The following NAV3 variants were observed in gnomAD, a reference collection of about 807,000 sequenced individuals.
NAV3 encodes the protein pore membrane and/or filament interacting like protein 1.
In NAV3, 87 loss-of-function variants were observed where a neutral mutation model predicts 244.7. The observed-to-expected ratio is 0.36, with a 90% CI of 0.30 to 0.42. NAV3 has a LOEUF of 0.42. Among genes scored for constraint, NAV3 ranks in the 20% least tolerant of loss-of-function variants. The pLI is 1.00. For synonymous variants in NAV3, 1,126 were observed against 1,042.2 expected (o/e 1.08, Z -1.55); for missense variants, 2,663 against 2,893.3 (o/e 0.92, Z 1.83).
At chr12:77,972,178 G>A (rs558063837) in intron 5 of NAV3, among the ~76,000 whole-genome samples, 1 of 149,660 alleles carries the variant, frequency 6.7e-6, no homozygotes, top group South Asian at 2.1e-4. Flanking sequence ...CTATATGTGA[G>A]CTTGAGTGTG....
intron 1 of NAV3, among the ~76,000 whole-genome samples, chr12:77,846,959 T>C (rs180926674): frequency 1.3e-5 from 2 of 152,220 alleles, no homozygotes; most frequent in African/African-American, 4.8e-5. Context: ...CTTAGTTCCA[T>C]GAGTTCATCA....
At chr12:78,137,058 G>C (rs1956403347) in intron 18 of NAV3, 119 bp from the exon 19 acceptor site, 3 of 855,718 alleles carry the variant, frequency 3.5e-6, no homozygotes, top group East Asian at 5.7e-5. Flanking sequence ...CCTTAAATAG[G>C]GACTCACTAT....
intron 9 of NAV3, chr12:78,036,571 T>C (rs757123869): frequency 1.9e-5 from 5 of 258,004 alleles, no homozygotes; most frequent in Non-Finnish European, 7.5e-6. Flanking sequence ...GCAAACGTAG[T>C]TGGCTTCCTG....
At chr12:78,137,446 A>C (rs1173599706) in intron 19 of NAV3, 81 bp downstream of exon 19, 3 of 1,350,768 alleles carry the variant, frequency 2.2e-6, no homozygotes, top group Non-Finnish European at 3.0e-6. Context: ...CACATCACAA[A>C]GATTCCTGAA....
At chr12:77,737,724 G>C (rs1261856258) in intron 2 of NAV3, among the ~76,000 whole-genome samples, 1 of 152,150 alleles carries the variant, frequency 6.6e-6, no homozygotes, top group Non-Finnish European at 1.5e-5. Context: ...TTTCTGGTAA[G>C]GTCTCATGGC....
intron 12 of NAV3, among the ~76,000 whole-genome samples, chr12:78,076,635 T>G (rs1257295061): frequency 6.6e-6 from 1 of 152,186 alleles, no homozygotes; most frequent in Non-Finnish European, 1.5e-5. Context: ...TAGTACTCAA[T>G]AAACGTTTAT....
chr12:77,720,104 C>A lies in NAV3; in HGVS notation c.72+147838C>A, dbSNP rs74571368. On this transcript the variant is annotated intron_variant, in intron 2 of 8. Transcript: ENST00000550042. Reference sequence around the variant, plus strand: ...ATTGGCACATAGTTGTTCATAAGAGCCTCTTGTTATCTTTTGTATTTCTGG... The same window carrying A: ...ATTGGCACATAGTTGTTCATAAGAGACTCTTGTTATCTTTTGTATTTCTGG... Among the ~76,000 whole-genome samples, 155 of 152,070 alleles carry A rather than the reference C, an allele frequency of 1.0e-3. 2 individuals carry two copies. The East Asian group carries it at 0.023, about 23-fold the overall frequency.
At chr12:78,156,603 G>A (rs1957314322) in intron 22 of NAV3, among the ~76,000 whole-genome samples, 2 of 152,042 alleles carry the variant, frequency 1.3e-5, no homozygotes, top group Non-Finnish European at 2.9e-5. Context: ...ATTCATAGTA[G>A]AATGATTAAA....
chr12:77,663,273 A>T (rs1873549617), intron 2 of NAV3, among the ~76,000 whole-genome samples: 1 of 152,200 alleles, frequency 6.6e-6, no homozygotes, highest in African/African-American at 2.4e-5. Flanking sequence ...ATAAACATAC[A>T]TCATATTCTG....
At chr12:78,147,202 CT>C (rs1956897066) in intron 21 of NAV3, among the ~76,000 whole-genome samples, 2 of 152,010 alleles carry the variant, frequency 1.3e-5, no homozygotes, top group Non-Finnish European at 2.9e-5. Flanking sequence ...ACCAATTTGT[CT>C]TTATAATCTC....
At chr12:77,679,485 C>T (rs1874352397) in intron 2 of NAV3, among the ~76,000 whole-genome samples, 1 of 151,872 alleles carries the variant, frequency 6.6e-6, no homozygotes, top group Admixed American at 6.6e-5. Flanking sequence ...GAGTTTGCTT[C>T]ACTTGTAGCA....
intron 2 of NAV3, among the ~76,000 whole-genome samples, chr12:77,689,617 A>G (rs1409424128): frequency 6.6e-6 from 1 of 151,902 alleles, no homozygotes; most frequent in Non-Finnish European, 1.5e-5. Context: ...CTGAAAGCTG[A>G]TTGTAGAAAT....
intron 8 of NAV3, among the ~76,000 whole-genome samples, chr12:78,009,036 G>A (rs1874753628): frequency 6.6e-6 from 1 of 152,218 alleles, no homozygotes; most frequent in Non-Finnish European, 1.5e-5. Flanking sequence ...ATAGGAAAGT[G>A]TAAATCTAGA....
intron 12 of NAV3, among the ~76,000 whole-genome samples, chr12:78,089,242 A>G (rs1250822764): frequency 6.6e-6 from 1 of 152,164 alleles, no homozygotes; most frequent in Non-Finnish European, 1.5e-5. Flanking sequence ...CTGAGGTTTT[A>G]ATTCAAGTAG....
At chr12:77,739,583 GATTAA>G (rs1366960656) in intron 2 of NAV3, among the ~76,000 whole-genome samples, 2 of 152,110 alleles carry the variant, frequency 1.3e-5, no homozygotes, top group African/African-American at 4.8e-5. Context: ...TAGAAAAACT[GATTAA>G]ATTGAGTATT....
At chr12:77,788,510 T>A (rs1871013976) in intron 2 of NAV3, among the ~76,000 whole-genome samples, 1 of 152,104 alleles carries the variant, frequency 6.6e-6, no homozygotes, top group South Asian at 2.1e-4. Context: ...GATTACATGA[T>A]CTCTACGGTG....
At chr12:78,082,598 C>T (rs1953416584) in intron 12 of NAV3, among the ~76,000 whole-genome samples, 1 of 152,120 alleles carries the variant, frequency 6.6e-6, no homozygotes, top group African/African-American at 2.4e-5. Context: ...CCACCATTAG[C>T]ATTTCAATAG....
chr12:78,208,402 G>A (rs1044862349), intron 39 of NAV3, among the ~76,000 whole-genome samples: 12 of 152,060 alleles, frequency 7.9e-5, no homozygotes, highest in East Asian at 1.9e-4. Context: ...CAAGAGTTTC[G>A]GAAGTGATAT....
chr12:77,801,828 T>G (rs112549575), intron 2 of NAV3, among the ~76,000 whole-genome samples: 1 of 152,188 alleles, frequency 6.6e-6, no homozygotes, highest in Non-Finnish European at 1.5e-5. Flanking sequence ...ACTGACTTGG[T>G]ACATCAGAGA....
Sources: gnomAD v4.1 joint callset for allele counts (sites outside exome capture counted in the v4.1 genomes callset) on GRCh38, gnomAD v4.1.1 for gene constraint, MANE v1.5 for transcripts, NCBI Gene and HGNC (gene_info 2026-07-23, HGNC 2026-07-21) for gene names.